The following GRM8 variants were observed in gnomAD, a reference collection of about 807,000 sequenced individuals.
GRM8 encodes the protein metabotropic glutamate receptor 8.
In GRM8, 47 loss-of-function variants were observed where a neutral mutation model predicts 87.2. The ratio of observed to expected loss-of-function variants is 0.54; its 90% CI spans 0.43 to 0.69. The LOEUF (loss-of-function observed/expected upper bound fraction) is 0.69, where lower values mean the gene tolerates loss of function less well. GRM8 is among the 30% of genes least tolerant of loss of function. The pLI, the probability that GRM8 is intolerant of heterozygous loss-of-function variation, is 0.00. For missense variants in GRM8, 1,019 were observed against 1,139.2 expected (o/e 0.89, Z 1.52); for synonymous variants, 396 against 404.5 (o/e 0.98, Z 0.25).
chr7:126,984,619 CT>C (rs1180357177), intron 3 of GRM8, among the ~76,000 whole-genome samples: 2 of 152,136 alleles, frequency 1.3e-5, no homozygotes, highest in African/African-American at 4.8e-5. Flanking sequence ...ATTGTGGGAC[CT>C]TGTGATCATG....
chr7:126,947,566 A>ATGTG (rs1314592317), intron 3 of GRM8, among the ~76,000 whole-genome samples: 3 of 151,854 alleles, frequency 2.0e-5, no homozygotes, highest in Admixed American at 6.6e-5. Flanking sequence ...ACACATATAT[A>ATGTG]TGTATGTGTA....
intron 3 of GRM8, among the ~76,000 whole-genome samples, chr7:126,996,656 T>C (rs547108061): frequency 7.9e-5 from 12 of 152,106 alleles, no homozygotes; most frequent in Middle Eastern, 6.8e-3. Context: ...CAGTTATATC[T>C]CATAAAATAA....
rs535693225 is a variant in GRM8, at chr7:126,942,194, G to A, written c.728-37511C>T. On this transcript the variant is annotated intron_variant, in intron 3 of 10. Coordinates refer to ENST00000339582, the MANE Select transcript of GRM8 (RefSeq NM_000845.3). ...CAATAATCAAGTGATAGTATGGAAG[G>A]CCATCGTTACTATATTGAGAACGTA... Among the ~76,000 whole-genome samples, 3 of 152,272 alleles carry A rather than the reference G, an allele frequency of 2.0e-5. No individual in the cohort carries two copies. The South Asian group carries it at 6.2e-4, about 32-fold the overall frequency.
intron 8 of GRM8, among the ~76,000 whole-genome samples, chr7:126,587,987 A>G (rs1796321314): frequency 6.6e-6 from 1 of 152,152 alleles, no homozygotes; most frequent in Admixed American, 6.6e-5. Context: ...ATAGCATATG[A>G]CAACTGCGGT....
intron 7 of GRM8, among the ~76,000 whole-genome samples, chr7:126,747,694 T>A (rs1293647364): frequency 6.6e-6 from 1 of 152,048 alleles, no homozygotes; most frequent in Non-Finnish European, 1.5e-5. Flanking sequence ...TTTCTCAGGA[T>A]GCTAATAATA....
At chr7:126,542,900 G>A (rs545511975) in intron 8 of GRM8, among the ~76,000 whole-genome samples, 1 of 152,336 alleles carries the variant, frequency 6.6e-6, no homozygotes, top group African/African-American at 2.4e-5. Flanking sequence ...TGTCTAAGTG[G>A]TGGTGATGAA....
intron 3 of GRM8, among the ~76,000 whole-genome samples, chr7:127,034,712 C>G (rs1254371259): frequency 6.6e-6 from 1 of 152,132 alleles, no homozygotes; most frequent in Non-Finnish European, 1.5e-5. Context: ...GTACAAGCTC[C>G]AGGGGATAAA....
intron 9 of GRM8, among the ~76,000 whole-genome samples, chr7:126,466,272 A>G (rs1419102489): frequency 6.6e-6 from 1 of 151,906 alleles, no homozygotes; most frequent in East Asian, 1.9e-4. Context: ...TTAATAGGAT[A>G]TAAGAGAGAT....
At chr7:127,074,466 C>T (rs912196967) in intron 3 of GRM8, among the ~76,000 whole-genome samples, 1 of 152,172 alleles carries the variant, frequency 6.6e-6, no homozygotes, top group African/African-American at 2.4e-5. Flanking sequence ...GACAGAGCTT[C>T]TGAGATGTCC....
intron 8 of GRM8, among the ~76,000 whole-genome samples, chr7:126,576,484 T>C (rs1173088065): frequency 1.3e-5 from 2 of 152,154 alleles, no homozygotes; most frequent in Non-Finnish European, 2.9e-5. Context: ...GGTTTCACCA[T>C]GTTGCCCAGT....
chr7:126,713,779 G>T (rs1036809944), intron 7 of GRM8, among the ~76,000 whole-genome samples: 1 of 151,838 alleles, frequency 6.6e-6, no homozygotes, highest in Admixed American at 6.6e-5. Context: ...ATGATCTAGG[G>T]TACAGCATGG....
intron 2 of GRM8, among the ~76,000 whole-genome samples, chr7:127,110,070 C>G (rs2133113066): frequency 6.6e-6 from 1 of 152,292 alleles, no homozygotes; most frequent in South Asian, 2.1e-4. Context: ...TGTTTCTCCA[C>G]CTAACCCCTC....
At chr7:126,635,177 C>A (rs963948387) in intron 7 of GRM8, among the ~76,000 whole-genome samples, 1 of 152,162 alleles carries the variant, frequency 6.6e-6, no homozygotes, top group Non-Finnish European at 1.5e-5. Flanking sequence ...TTGTTCAGCC[C>A]AATAACTAAT....
chr7:126,892,096 T>C (rs1165157985), intron 6 of GRM8, among the ~76,000 whole-genome samples: 1 of 149,818 alleles, frequency 6.7e-6, no homozygotes, highest in Admixed American at 6.7e-5. Flanking sequence ...TAAATAAATA[T>C]AGTTTTAATA....
intron 3 of GRM8, among the ~76,000 whole-genome samples, chr7:127,010,057 G>T (rs1814726132): frequency 6.6e-6 from 1 of 151,926 alleles, no homozygotes; most frequent in Non-Finnish European, 1.5e-5. Flanking sequence ...TGGCCAGGCT[G>T]GTCTCGAACT....
At chr7:126,470,610 T>C (rs1318974987) in intron 9 of GRM8, among the ~76,000 whole-genome samples, 2 of 152,106 alleles carry the variant, frequency 1.3e-5, no homozygotes, top group African/African-American at 4.8e-5. Flanking sequence ...TCTGAGTTGC[T>C]TCCAAGTCTT....
At chr7:127,128,372 T>A (rs1827489547) in intron 2 of GRM8, among the ~76,000 whole-genome samples, 1 of 152,134 alleles carries the variant, frequency 6.6e-6, no homozygotes, top group South Asian at 2.1e-4. Context: ...TCAGTGGAGT[T>A]ACTGGAAGGT....
chr7:127,065,198 A>C (rs1378698311), intron 3 of GRM8, among the ~76,000 whole-genome samples: 1 of 152,224 alleles, frequency 6.6e-6, no homozygotes, highest in African/African-American at 2.4e-5. Flanking sequence ...ATAAAAAAGA[A>C]CCAGATCATG....
rs544206867 is a variant in GRM8 at position 126,876,423 on chromosome 7, C to G, written c.1156+26119G>C. Among the ~76,000 whole-genome samples, 6 of 152,258 alleles carry G rather than the reference C, an allele frequency of 3.9e-5. No individual in the cohort carries two copies. In the East Asian group the frequency reaches 1.2e-3, roughly 29 times the overall value. Reference sequence around the variant, plus strand: ...ATGAATTGAGGCAGAAGATTCTGTACATTTATCAAGTATCCCAAATGATTT... The same window carrying G: ...ATGAATTGAGGCAGAAGATTCTGTAGATTTATCAAGTATCCCAAATGATTT... On this transcript the variant is annotated intron_variant, in intron 6 of 10. Coordinates refer to ENST00000339582, the MANE Select transcript of GRM8 (RefSeq NM_000845.3).
Sources: allele counts gnomAD v4.1 joint callset (sites outside exome capture counted in the v4.1 genomes callset), GRCh38; gene constraint gnomAD v4.1.1; transcripts MANE v1.5; gene names NCBI Gene and HGNC (gene_info 2026-07-23, HGNC 2026-07-21).